The following FRYL variants were observed in gnomAD, a reference collection of about 807,000 sequenced individuals.
FRYL encodes the protein FRY like transcription coactivator.
In FRYL, 150 loss-of-function variants were observed where a neutral mutation model predicts 351.2. The ratio of observed to expected loss-of-function variants is 0.43; its 90% CI spans 0.37 to 0.49. FRYL has a LOEUF of 0.49. Among genes scored for constraint, FRYL ranks in the 20% least tolerant of loss-of-function variants. The pLI is 0.00. For synonymous variants in FRYL, 1,153 were observed against 1,257.1 expected, an observed-to-expected ratio of 0.92 and a Z score of 1.75; for missense variants, 3,036 against 3,619.3, an observed-to-expected ratio of 0.84 and a Z score of 4.13.
At chr4:48,704,735 G>A (rs540333023) in intron 2 of FRYL, among the ~76,000 whole-genome samples, 28 of 152,142 alleles carry the variant, frequency 1.8e-4, no homozygotes, top group Admixed American at 1.4e-3. Flanking sequence ...GATCACCTGA[G>A]ATCAGGAGTT....
At chr4:48,603,149 A>G (rs1168779980) in intron 12 of FRYL, 141 bp downstream of exon 12, 1 of 658,226 alleles carries the variant, frequency 1.5e-6, no homozygotes, top group African/African-American at 1.8e-5. Flanking sequence ...AAACATACGT[A>G]TGTAAAACTT....
chr4:48,677,396 A>AT (rs1763883115), intron 3 of FRYL, among the ~76,000 whole-genome samples: 2 of 151,430 alleles, frequency 1.3e-5, no homozygotes, highest in South Asian at 2.1e-4. Flanking sequence ...AAAAATAACG[A>AT]TTTTTTGTGT....
chr4:48,628,694 T>A (rs1056647008), intron 4 of FRYL, among the ~76,000 whole-genome samples: 1 of 152,056 alleles, frequency 6.6e-6, no homozygotes, highest in African/African-American at 2.4e-5. Context: ...TGCCCCAACA[T>A]AAACAAAATG....
chr4:48,583,342 G>A (rs556331914), intron 19 of FRYL, among the ~76,000 whole-genome samples: 3 of 152,044 alleles, frequency 2.0e-5, no homozygotes, highest in Non-Finnish European at 2.9e-5. Context: ...TAGTAGAGAC[G>A]GGGTTTCACC....
chr4:48,605,881 T>C (rs1746683855), intron 10 of FRYL, 48 bp from the exon 11 acceptor site: 1 of 1,145,428 alleles, frequency 8.7e-7, no homozygotes, highest in Middle Eastern at 2.2e-4. Flanking sequence ...GAGGAAAGGT[T>C]AAAGAATTTG....
intron 2 of FRYL, among the ~76,000 whole-genome samples, chr4:48,698,269 C>T (rs1766396672): frequency 6.6e-6 from 1 of 152,238 alleles, no homozygotes; most frequent in African/African-American, 2.4e-5. Context: ...ACTATAGCCA[C>T]AATCTGTAAC....
intron 1 of FRYL, among the ~76,000 whole-genome samples, chr4:48,776,141 ACTTTT>A (rs1218266191): frequency 6.7e-6 from 1 of 150,036 alleles, no homozygotes; most frequent in African/African-American, 2.4e-5. Flanking sequence ...GTTATGTGAC[ACTTTT>A]CGTTTCTTTT....
intron 7 of FRYL, among the ~76,000 whole-genome samples, chr4:48,611,715 C>T (rs1748242559): frequency 2.6e-5 from 4 of 151,984 alleles, no homozygotes; most frequent in Admixed American, 1.3e-4. Context: ...ATCTATAAAA[C>T]AATTTGAAGT....
At chr4:48,512,090 A>G (rs1489985749) in intron 57 of FRYL, among the ~76,000 whole-genome samples, 1 of 152,218 alleles carries the variant, frequency 6.6e-6, no homozygotes, top group African/African-American at 2.4e-5. Context: ...GGTCCTCACA[A>G]AGTCAATGGA....
intron 2 of FRYL, among the ~76,000 whole-genome samples, chr4:48,686,200 A>C (rs1765138811): frequency 2.0e-5 from 3 of 152,192 alleles, no homozygotes. Flanking sequence ...TGAAATAGTA[A>C]TTTGTACTAA....
At chr4:48,764,056 G>C (rs2109383427) in intron 1 of FRYL, among the ~76,000 whole-genome samples, 1 of 152,174 alleles carries the variant, frequency 6.6e-6, no homozygotes, top group African/African-American at 2.4e-5. Flanking sequence ...TGTAATCCCA[G>C]CTACTCGGGA....
intron 3 of FRYL, among the ~76,000 whole-genome samples, chr4:48,675,004 G>C (rs1481765734): frequency 6.6e-6 from 1 of 152,124 alleles, no homozygotes; most frequent in Non-Finnish European, 1.5e-5. Flanking sequence ...TGCCTAAAAC[G>C]AAACCCATGT....
intron 1 of FRYL, among the ~76,000 whole-genome samples, chr4:48,738,515 A>C (rs567400706): frequency 1.3e-5 from 2 of 152,136 alleles, no homozygotes; most frequent in African/African-American, 4.8e-5. Context: ...TGTTGTTTCA[A>C]AGAGATGGGG....
chr4:48,676,693 G>A (rs1361701391), intron 3 of FRYL, among the ~76,000 whole-genome samples: 1 of 152,126 alleles, frequency 6.6e-6, no homozygotes, highest in Non-Finnish European at 1.5e-5. Context: ...GCCTGGCCAA[G>A]TTTCAATTTC....
rs577861272 is a variant in FRYL at position 48,644,574 on chromosome 4, T to A, written c.-80-10084A>T. ...TGGGCAAAATTAGAAGGAAAAAGAT[T>A]ATCTAGTAAAAATGTTGAAACAGCT... is the stretch of plus-strand genomic sequence containing the variant. On this transcript the variant is annotated intron_variant, in intron 3 of 63. Transcript: ENST00000358350. Among the ~76,000 whole-genome samples, 21 of 148,870 alleles carry A rather than the reference T, an allele frequency of 1.4e-4. No homozygotes were observed. In the South Asian group the frequency reaches 4.4e-3, roughly 31 times the overall value.
chr4:48,576,931 GTTTAT>G (rs1180549883), intron 23 of FRYL, among the ~76,000 whole-genome samples: 4 of 151,932 alleles, frequency 2.6e-5, no homozygotes, highest in Non-Finnish European at 4.4e-5. Flanking sequence ...CGAATTAAAT[GTTTAT>G]TTTATTTTGT....
chr4:48,759,536 A>G (rs1023805131), intron 1 of FRYL, among the ~76,000 whole-genome samples: 3 of 152,208 alleles, frequency 2.0e-5, no homozygotes, highest in Admixed American at 1.3e-4. Flanking sequence ...TCAAGATGTC[A>G]GCAGCTAAGA....
chr4:48,700,558 T>C (rs1405806327), intron 2 of FRYL, among the ~76,000 whole-genome samples: 1 of 152,028 alleles, frequency 6.6e-6, no homozygotes, highest in Non-Finnish European at 1.5e-5. Flanking sequence ...TCCCAGTACT[T>C]GGGGAGGCTG....
chr4:48,671,039 T>A (rs1355990168), intron 3 of FRYL, among the ~76,000 whole-genome samples: 1 of 152,338 alleles, frequency 6.6e-6, no homozygotes, highest in East Asian at 1.9e-4. Context: ...TTCTCCATAG[T>A]GGTTGTACTA....
Sources: allele counts gnomAD v4.1 joint callset (sites outside exome capture counted in the v4.1 genomes callset), GRCh38; gene constraint gnomAD v4.1.1; transcripts MANE v1.5; gene names NCBI Gene and HGNC (gene_info 2026-07-23, HGNC 2026-07-21).